BCR: variants seen among roughly 807,000 people sequenced by gnomAD.
BCR encodes breakpoint cluster region protein.
Under a neutral mutation model 138.6 loss-of-function variants are expected in BCR, and 58 were observed. That is an observed-to-expected ratio of 0.42 (90% CI 0.34 to 0.52). BCR has a LOEUF of 0.52. Among genes scored for constraint, BCR ranks in the 20% least tolerant of loss-of-function variants. The probability of loss-of-function intolerance (pLI) is 0.06; values close to 1 mark genes in which losing one functional copy is unlikely to be tolerated. For missense variants in BCR, 1,599 were observed against 1,727.2 expected, an observed-to-expected ratio of 0.93 and a Z score of 1.32; for synonymous variants, 786 against 730.1, an observed-to-expected ratio of 1.08 and a Z score of -1.23.
chr22:23,256,131 G>A (rs116944372), intron 2 of BCR, among the ~76,000 whole-genome samples: 3,257 of 152,242 alleles, frequency 0.021, 55 homozygotes, highest in Non-Finnish European at 0.027. Flanking sequence ...CATGGCTGTC[G>A]CTTCCTAGGA....
At chr22:23,246,006 G>A (rs2267018) in intron 1 of BCR, among the ~76,000 whole-genome samples, 80,807 of 152,030 alleles carry the variant, frequency 0.53, 22,185 homozygotes, top group African/African-American at 0.68. Flanking sequence ...ATGGGTTTAC[G>A]TATTGTGGGG....
intron 1 of BCR, among the ~76,000 whole-genome samples, chr22:23,235,322 C>T (rs1454774116): frequency 2.8e-5 from 4 of 144,204 alleles, no homozygotes; most frequent in Admixed American, 1.4e-4. Context: ...TCAAGTGATC[C>T]GCCTGCCTTG....
At chr22:23,301,978 G>A (rs983851322) in intron 16 of BCR, among the ~76,000 whole-genome samples, 2 of 152,140 alleles carry the variant, frequency 1.3e-5, no homozygotes, top group Admixed American at 6.5e-5. Context: ...TGGACTGTGG[G>A]CACCACCACA....
chr22:23,233,773 G>T lies in BCR; in HGVS notation c.1280-20026G>T, dbSNP rs2072987337. On this transcript the variant is annotated intron_variant, in intron 1 of 22. Transcript: ENST00000305877. The stretch of plus-strand genomic sequence containing the variant: ...CCACTGCACGCCAGCCTGGGTGACA[G>T]AGCGAGACCCTGTCTCAAAAAAAAA... 2.1e-5 allele frequency among the ~76,000 whole-genome samples: 3 copies of T among 143,204 alleles called. No homozygotes were observed. The South Asian group carries it at 6.7e-4, about 32-fold the overall frequency. 93.9% of individuals were successfully genotyped at this position (143,204 alleles called of 152,430 possible).
chr22:23,271,637 G>C lies in BCR; in HGVS notation c.1921+45G>C, dbSNP rs1266285146. ...GTCTCTGTGTGCCCTCGTCAGGGAGGCTGCTGCTGGCAGAGGGGGCGTTGT... is the reference window on the plus strand; with the variant it reads ...GTCTCTGTGTGCCCTCGTCAGGGAGCCTGCTGCTGGCAGAGGGGGCGTTGT... On this transcript the variant is annotated intron_variant, in intron 6 of 22. Transcript: ENST00000305877. 3.8e-6 allele frequency: 6 copies of C among 1,588,562 alleles called. 1 individual carries two copies. Among genetic ancestry groups the C allele is most frequent in the Non-Finnish European group, 5.2e-6 (6 of 1,158,788 alleles).
chr22:23,192,098 G>A (rs1188316857), intron 1 of BCR, among the ~76,000 whole-genome samples: 1 of 152,210 alleles, frequency 6.6e-6, no homozygotes, highest in African/African-American at 2.4e-5. Flanking sequence ...TGGGGCTGGG[G>A]TGTGAAGACC....
At chr22:23,271,017 G>A (rs1472586320) in intron 5 of BCR, among the ~76,000 whole-genome samples, 1 of 152,236 alleles carries the variant, frequency 6.6e-6, no homozygotes, top group East Asian at 1.9e-4. Context: ...TTCGGAACTG[G>A]CAGCCCCCTG....
At chr22:23,271,839 C>T (rs9612272) in intron 6 of BCR, among the ~76,000 whole-genome samples, 26,730 of 151,966 alleles carry the variant, frequency 0.18, 2,829 homozygotes, top group Middle Eastern at 0.31. Context: ...TAAATGTTAT[C>T]CTGTTGACCC....
intron 1 of BCR, among the ~76,000 whole-genome samples, chr22:23,189,509 T>C (rs1237182996): frequency 6.6e-6 from 1 of 152,112 alleles, no homozygotes; most frequent in Non-Finnish European, 1.5e-5. Context: ...TCTTTCTTTC[T>C]TTTCTTGAGA....
chr22:23,312,837 A>G, intron 19 of BCR, 50 bp from the exon 20 acceptor site: 1 of 1,593,728 alleles, frequency 6.3e-7, no homozygotes. Flanking sequence ...ATGGTGGGAG[A>G]CTCACTCGGG....
intron 12 of BCR, 78 bp downstream of exon 12, chr22:23,288,250 T>A: frequency 1.4e-6 from 2 of 1,389,354 alleles, no homozygotes; most frequent in Non-Finnish European, 2.0e-6. Flanking sequence ...GTTTTAAACC[T>A]TCTTTTTTAT....
intron 4 of BCR, chr22:23,263,758 ATAT>A: frequency 7.0e-7 from 1 of 1,428,698 alleles, no homozygotes; most frequent in East Asian, 2.3e-5. Flanking sequence ...AGGGGGCATC[ATAT>A]CATTGTGAGT....
chr22:23,244,844 C>T (rs529055520), intron 1 of BCR, among the ~76,000 whole-genome samples: 1 of 152,322 alleles, frequency 6.6e-6, no homozygotes, highest in South Asian at 2.1e-4. Flanking sequence ...GGGTTTCAGC[C>T]TCTGCCCTGC....
At chr22:23,183,514 C>CGGAGCT (rs1225592792) in intron 1 of BCR, among the ~76,000 whole-genome samples, 1 of 152,192 alleles carries the variant, frequency 6.6e-6, no homozygotes, top group Non-Finnish European at 1.5e-5. Context: ...TCCGACCTGC[C>CGGAGCT]GTCTGGCCGG....
At chr22:23,239,205 T>A (rs2073060214) in intron 1 of BCR, among the ~76,000 whole-genome samples, 2 of 152,072 alleles carry the variant, frequency 1.3e-5, no homozygotes, top group African/African-American at 4.8e-5. Flanking sequence ...GGGGCTGTGC[T>A]CAGGAAGGAG....
chr22:23,190,604 G>T (rs555908109), intron 1 of BCR, among the ~76,000 whole-genome samples: 1 of 152,174 alleles, frequency 6.6e-6, no homozygotes, highest in African/African-American at 2.4e-5. Context: ...GAGTTAGAAC[G>T]TCAACATATG....
At chr22:23,263,339 G>C (rs1468448643) in intron 4 of BCR, 1 of 1,197,440 alleles carries the variant, frequency 8.4e-7, no homozygotes, top group South Asian at 1.3e-5. Context: ...TCCGGCGCCA[G>C]ATAGCCTGGG....
intron 15 of BCR, 41 bp downstream of exon 15, chr22:23,292,679 G>T (rs766779434): frequency 1.3e-6 from 2 of 1,532,518 alleles, no homozygotes; most frequent in Admixed American, 1.7e-5. Context: ...TGCCAGGTGG[G>T]GCACAGGATA....
At chr22:23,308,834 G>C (rs911741962) in intron 16 of BCR, among the ~76,000 whole-genome samples, 1 of 152,230 alleles carries the variant, frequency 6.6e-6, no homozygotes, top group South Asian at 2.1e-4. Flanking sequence ...TCTGGATAGT[G>C]CCGGGTGGGG....
Sources: allele counts gnomAD v4.1 joint callset (sites outside exome capture counted in the v4.1 genomes callset), GRCh38; gene constraint gnomAD v4.1.1; transcripts MANE v1.5; gene names NCBI Gene and HGNC (gene_info 2026-07-23, HGNC 2026-07-21).